The following CLPX variants were observed in gnomAD, a reference collection of about 807,000 sequenced individuals.
CLPX encodes the protein caseinolytic mitochondrial matrix peptidase chaperone subunit X.
CLPX carries 34 observed loss-of-function variants against 76.4 expected under a neutral mutation model. That is an observed-to-expected ratio of 0.45 (90% CI 0.34 to 0.59). The LOEUF (loss-of-function observed/expected upper bound fraction) is 0.59, where lower values mean the gene tolerates loss of function less well. Ranked by LOEUF, CLPX falls within the 20% of genes least tolerant of loss-of-function variation. CLPX has a pLI of 0.01. For synonymous variants in CLPX, 248 were observed against 270.9 expected (o/e 0.92, Z 0.83); for missense variants, 613 against 757.0 (o/e 0.81, Z 2.23).
intron 5 of CLPX, among the ~76,000 whole-genome samples, chr15:65,163,066 G>C (rs2087871772): frequency 6.6e-6 from 1 of 152,106 alleles, no homozygotes; most frequent in South Asian, 2.1e-4. Context: ...CCAGGCGCAA[G>C]AGTTCACGCC....
chr15:65,166,551 T>G, intron 4 of CLPX, 80 bp downstream of exon 4: 7 of 1,398,542 alleles, frequency 5.0e-6, no homozygotes, highest in Non-Finnish European at 7.0e-6. Context: ...AGTATTAGGA[T>G]TCAGTGTAAA....
chr15:65,152,557 G>C, intron 12 of CLPX, 21 bp from the exon 13 acceptor site: 1 of 1,334,556 alleles, frequency 7.5e-7, no homozygotes, highest in East Asian at 2.5e-5. Context: ...AAAAAGTAAT[G>C]AATCACATTG....
intron 6 of CLPX, among the ~76,000 whole-genome samples, chr15:65,161,632 G>C (rs60057209): frequency 1.3e-5 from 2 of 150,282 alleles, no homozygotes; most frequent in African/African-American, 2.4e-5. Flanking sequence ...TTTAGTATAG[G>C]TTAACTAGCT....
In CLPX at chr15:65,158,568, T is replaced by A. The variant is rs1382605474; in HGVS notation, c.892+7A>T. ...TGAGTAGTAAATTTTCTCAGCAAGT[T>A]ATTTACCTGACCCAGTTGGTCCAAG... On this transcript the variant is annotated splice_region_variant and intron_variant, in intron 7 of 13. Coordinates refer to ENST00000300107, the MANE Select transcript of CLPX (RefSeq NM_006660.5). The A allele has an allele frequency of 6.2e-7, 1 of 1,603,458 alleles. No individual in the cohort carries two copies. Among genetic ancestry groups the A allele is most frequent in the African/African-American group, 1.3e-5 (1 of 74,370 alleles).
intron 3 of CLPX, among the ~76,000 whole-genome samples, chr15:65,168,366 AAAGT>A (rs1331359732): frequency 8.2e-6 from 1 of 122,162 alleles, no homozygotes; most frequent in Non-Finnish European, 1.7e-5. Flanking sequence ...CCTGGGCGAC[AAAGT>A]GAGACTCTGT....
In CLPX at chr15:65,156,936, T is replaced by G. The variant is rs756050744; in HGVS notation, c.1058-4A>C. 3.1e-6 allele frequency: 5 copies of G among 1,589,536 alleles called. No homozygotes were observed. The South Asian group carries it at 3.3e-5, about 11-fold the overall frequency. On this transcript the variant is annotated splice_polypyrimidine_tract_variant and splice_region_variant and intron_variant, in intron 8 of 13. Coordinates refer to ENST00000300107, the MANE Select transcript of CLPX (RefSeq NM_006660.5). ...ACTTCATCCAGAAAGACAATTCCTA[T>G]AATTTAAGGAGGATTCTATTTATAA...
At chr15:65,164,290 G>C in intron 4 of CLPX, 102 bp from the exon 5 acceptor site, 1 of 883,840 alleles carries the variant, frequency 1.1e-6, no homozygotes, top group Admixed American at 2.9e-5. Context: ...TTTTAAATCT[G>C]AACAAAGACT....
chr15:65,167,489 A>T (rs185077890), intron 3 of CLPX, among the ~76,000 whole-genome samples: 412 of 152,374 alleles, frequency 2.7e-3, no homozygotes, highest in Non-Finnish European at 5.2e-3. Flanking sequence ...CCAATATTAT[A>T]AAAAATGTCA....
At chr15:65,176,753 G>C (rs1425926254) in intron 3 of CLPX, among the ~76,000 whole-genome samples, 1 of 151,570 alleles carries the variant, frequency 6.6e-6, no homozygotes, top group South Asian at 2.1e-4. Flanking sequence ...CCGCCACCAC[G>C]CCCAGCTAAT....
intron 2 of CLPX, among the ~76,000 whole-genome samples, chr15:65,179,420 G>C (rs1163092731): frequency 6.6e-6 from 1 of 152,082 alleles, no homozygotes; most frequent in Non-Finnish European, 1.5e-5. Context: ...ACTATTCTTA[G>C]ATCTAACTTT....
chr15:65,153,260 G>T (rs2087747030), intron 12 of CLPX, among the ~76,000 whole-genome samples: 1 of 151,892 alleles, frequency 6.6e-6, no homozygotes. Flanking sequence ...GACCAGACTG[G>T]CCAACATGGT....
chr15:65,172,180 C>T (rs1260258060), intron 3 of CLPX, among the ~76,000 whole-genome samples: 1 of 152,090 alleles, frequency 6.6e-6, no homozygotes, highest in Non-Finnish European at 1.5e-5. Context: ...TCAGGCTGGT[C>T]TCAAACTCCC....
At position 65,148,531 on chromosome 15, in the gene CLPX, G is replaced by A. The variant is rs1189785478; in HGVS notation, c.*2292C>T. ...AGGGAGACCAAGGAGAGGTGTTTCT[G>A]TTCCATACTATAGCAACCAGCCTTA... On this transcript the variant is annotated 3_prime_UTR_variant, in exon 14 of 14. Coordinates refer to ENST00000300107, the MANE Select transcript of CLPX (RefSeq NM_006660.5). 1 of 152,152 alleles carries A rather than the reference G, an allele frequency of 6.6e-6. No individual in the cohort carries two copies. The highest frequency in any genetic ancestry group is 1.5e-5 in the Non-Finnish European group (1 of 68,022). 9.4% of individuals were successfully genotyped at this position (152,152 alleles called of 1,614,324 possible).
At chr15:65,174,014 C>T (rs566806063) in intron 3 of CLPX, among the ~76,000 whole-genome samples, 1 of 152,274 alleles carries the variant, frequency 6.6e-6, no homozygotes, top group African/African-American at 2.4e-5. Flanking sequence ...CTCGCTCTGT[C>T]GCCCAGGCTG....
chr15:65,175,746 G>A (rs1595946029), intron 3 of CLPX, among the ~76,000 whole-genome samples: 4 of 152,090 alleles, frequency 2.6e-5, no homozygotes, highest in Admixed American at 2.0e-4. Context: ...TTCAGACTAC[G>A]GATGCTCAAC....
chr15:65,150,848 C>T lies in CLPX; in HGVS notation c.1877G>A (p.Arg626His), dbSNP rs774340997. 27 of 1,612,504 alleles carry T rather than the reference C, an allele frequency of 1.7e-5. No homozygotes were observed. Among genetic ancestry groups the T allele is most frequent in the South Asian group, 1.1e-4 (10 of 90,880 alleles). Residue 626 changes from arginine to histidine, a missense_variant, in exon 14 of 14, where the codon CGC becomes CAC. Coordinates refer to ENST00000300107, the MANE Select transcript of CLPX (RefSeq NM_006660.5). ...TTAGCTGTTTGCAGCATCTGCTTGG[C>T]GGGGCCATCCTTCTTCTTCAACTCC... is the stretch of plus-strand genomic sequence containing the variant. ...DSGVEEEGWP[R>H]QADAANS
At chr15:65,161,058 G>T (rs1161167950) in intron 6 of CLPX, among the ~76,000 whole-genome samples, 1 of 152,210 alleles carries the variant, frequency 6.6e-6, no homozygotes, top group African/African-American at 2.4e-5. Context: ...GGGTTTAGGG[G>T]AGATTAAATG....
chr15:65,166,904 C>G (rs2087922141), intron 3 of CLPX, 119 bp from the exon 4 acceptor site: 2 of 930,944 alleles, frequency 2.1e-6, no homozygotes, highest in South Asian at 3.6e-5. Flanking sequence ...ACTTGCTGTT[C>G]AATCTACTTG....
Position 65,158,676 on chromosome 15 carries a change from T to C in CLPX, c.791A>G (p.Gln264Arg). The C allele has an allele frequency of 6.2e-7, 1 of 1,613,974 alleles. No individual in the cohort carries two copies. Among genetic ancestry groups the C allele is most frequent in the Non-Finnish European group, 8.5e-7 (1 of 1,179,900 alleles). ...GASMQQQVNQ[Q>R]IPQEKRGGEV... ...ACCTCCTCGTTTTTCCTGAGGTATTTGTTGATTTACCTGTTGCTGCATTGA... is the reference window on the plus strand; with the variant it reads ...ACCTCCTCGTTTTTCCTGAGGTATTCGTTGATTTACCTGTTGCTGCATTGA... Residue 264 changes from glutamine to arginine, a missense_variant, in exon 7 of 14, where the codon CAA becomes CGA. Physicochemically the swap from Gln to Arg is conservative, Grantham distance 43. This residue lies in a region of CLPX where 450 missense variants were observed against 638.6 expected (regional missense o/e 0.70). Coordinates refer to ENST00000300107, the MANE Select transcript of CLPX (RefSeq NM_006660.5).
Sources: gnomAD v4.1 joint callset for allele counts (sites outside exome capture counted in the v4.1 genomes callset) on GRCh38, gnomAD v4.1.1 for gene constraint, gnomAD v4.1.1 regional missense constraint, MANE v1.5 for transcripts, NCBI Gene and HGNC (gene_info 2026-07-23, HGNC 2026-07-21) for gene names.